TLL1: variants seen among roughly 807,000 people sequenced by gnomAD.
The protein encoded by TLL1 is tolloid-like protein 1.
A neutral mutation model predicts 128.2 loss-of-function variants in TLL1; 49 were observed. The ratio of observed to expected loss-of-function variants is 0.38; its 90% confidence interval spans 0.30 to 0.48. The LOEUF (loss-of-function observed/expected upper bound fraction) is 0.48, where lower values mean the gene tolerates loss of function less well. Ranked by LOEUF, TLL1 falls within the 20% of genes least tolerant of loss-of-function variation. TLL1 has a pLI of 0.96. For missense variants in TLL1, 1,123 were observed against 1,242.0 expected (o/e 0.90, Z 1.44); for synonymous variants, 454 against 418.8 (o/e 1.08, Z -1.03).
intron 1 of TLL1, among the ~76,000 whole-genome samples, chr4:165,969,473 G>A (rs774563718): frequency 2.4e-4 from 36 of 152,140 alleles, no homozygotes; most frequent in Non-Finnish European, 4.6e-4. Context: ...GTATTTATAC[G>A]TACACACATT....
In TLL1 at chr4:166,055,091, A is replaced by G; in HGVS notation, c.1540A>G (p.Asn514Asp). ...TCTGTTGCAGATTGAAAGACATGACAATTGTGCTTATGACTACCTGGAAGT... is the reference window on the plus strand; with the variant it reads ...TCTGTTGCAGATTGAAAGACATGACGATTGTGCTTATGACTACCTGGAAGT... The part of the protein sequence containing the change: ...FQSFEIERHD[N>D]CAYDYLEVRD... Residue 514 changes from asparagine to aspartate, a missense_variant, in exon 13 of 21, where the codon AAT (asparagine) becomes GAT (aspartate). Coordinates refer to ENST00000061240, the MANE Select transcript of TLL1 (RefSeq NM_012464.5). The G allele has an allele frequency of 6.2e-7, 1 of 1,611,304 alleles. No individual in the cohort carries two copies. Among genetic ancestry groups the G allele is most frequent in the Non-Finnish European group, 8.5e-7 (1 of 1,179,158 alleles).
chr4:166,070,734 T>G (rs1038117568), intron 16 of TLL1, among the ~76,000 whole-genome samples: 8 of 151,910 alleles, frequency 5.3e-5, no homozygotes, highest in Non-Finnish European at 8.8e-5. Context: ...TGATTTCAAT[T>G]GACATGCTCC....
chr4:165,874,214 T>G, intron 1 of TLL1, 141 bp downstream of exon 1: 1 of 1,044,112 alleles, frequency 9.6e-7, no homozygotes. Flanking sequence ...CCCCTCCTTT[T>G]CCTTCCCTTC....
At position 166,102,194 on chromosome 4, in the gene TLL1, T is replaced by G. The variant is rs1714560232; in HGVS notation, c.*1318T>G. The stretch of plus-strand genomic sequence containing the variant: ...CAAACAGATCCTCCTAAAACACACC[T>G]TTTGAAATGTTGAACATAATAGTGT... On this transcript the variant is annotated 3_prime_UTR_variant, in exon 21 of 21. Transcript: ENST00000061240. The G allele has an allele frequency of 6.6e-6, 1 of 152,482 alleles. No homozygotes were observed. The highest frequency in any genetic ancestry group is 2.4e-5 in the African/African-American group (1 of 41,452). 9.4% of individuals were successfully genotyped at this position (152,482 alleles called of 1,614,324 possible). A position where few individuals can be genotyped will look rare whatever the true frequency, so the allele number is the denominator to read the frequency against.
At chr4:165,978,724 G>T (rs1260123486) in intron 1 of TLL1, among the ~76,000 whole-genome samples, 1 of 152,142 alleles carries the variant, frequency 6.6e-6, no homozygotes, top group African/African-American at 2.4e-5. Flanking sequence ...TTTGCATTAA[G>T]TTGTAAATTG....
At chr4:166,017,384 T>C (rs1424770493) in intron 8 of TLL1, among the ~76,000 whole-genome samples, 2 of 152,174 alleles carry the variant, frequency 1.3e-5, no homozygotes, top group Non-Finnish European at 2.9e-5. Context: ...TTGTGTACAG[T>C]GCTGCGGTGA....
intron 3 of TLL1, among the ~76,000 whole-genome samples, chr4:165,993,592 C>T (rs1386251045): frequency 1.3e-5 from 2 of 151,940 alleles, no homozygotes; most frequent in Non-Finnish European, 2.9e-5. Flanking sequence ...AGACAGAGTC[C>T]CTATTTGTTG....
At chr4:166,097,373 A>G (rs1742073123) in intron 19 of TLL1, among the ~76,000 whole-genome samples, 1 of 152,120 alleles carries the variant, frequency 6.6e-6, no homozygotes. Context: ...ATACATTTGT[A>G]ATAGTGGCAC....
At chr4:166,034,946 A>C (rs1738929397) in intron 9 of TLL1, among the ~76,000 whole-genome samples, 1 of 152,298 alleles carries the variant, frequency 6.6e-6, no homozygotes, top group South Asian at 2.1e-4. Flanking sequence ...GTTGGAAGGG[A>C]CAAAGGGATA....
intron 1 of TLL1, among the ~76,000 whole-genome samples, chr4:165,941,066 G>A (rs545397942): frequency 1.3e-5 from 2 of 152,010 alleles, no homozygotes; most frequent in African/African-American, 4.8e-5. Flanking sequence ...GAGACAGGTA[G>A]GTTTTCTCCC....
intron 1 of TLL1, among the ~76,000 whole-genome samples, chr4:165,936,207 T>TATA (rs201227041): frequency 1.4e-4 from 17 of 122,372 alleles, no homozygotes; most frequent in African/African-American, 3.9e-4. Context: ...TATATATATA[T>TATA]TTTTTTTTCT....
intron 7 of TLL1, among the ~76,000 whole-genome samples, chr4:166,011,113 C>T (rs1397527307): frequency 2.6e-5 from 4 of 151,030 alleles, no homozygotes; most frequent in Non-Finnish European, 5.9e-5. Flanking sequence ...AATATTTTTT[C>T]TTTTTCAAAA....
chr4:166,013,016 G>A (rs1172623511), intron 7 of TLL1, among the ~76,000 whole-genome samples: 1 of 151,646 alleles, frequency 6.6e-6, no homozygotes, highest in African/African-American at 2.4e-5. Context: ...TATCTGGCTG[G>A]TGCTCAGACA....
At chr4:166,037,565 TG>T (rs1739058781) in intron 9 of TLL1, among the ~76,000 whole-genome samples, 2 of 152,174 alleles carry the variant, frequency 1.3e-5, no homozygotes, top group South Asian at 4.1e-4. Context: ...TCCCAGAGTT[TG>T]GGAGGCTGAG....
chr4:166,095,097 T>C (rs988438711), intron 19 of TLL1, among the ~76,000 whole-genome samples: 10 of 152,166 alleles, frequency 6.6e-5, no homozygotes, highest in Non-Finnish European at 1.3e-4. Context: ...ACGGCTATTT[T>C]TGATGGATCC....
At chr4:165,996,015 T>C (rs578017780) in intron 5 of TLL1, among the ~76,000 whole-genome samples, 16 of 152,274 alleles carry the variant, frequency 1.1e-4, no homozygotes, top group African/African-American at 3.6e-4. Context: ...GCCAAACTGT[T>C]TTTCCTCATT....
chr4:165,995,000 C>A, intron 4 of TLL1, 61 bp from the exon 5 acceptor site: 1 of 1,361,542 alleles, frequency 7.3e-7, no homozygotes, highest in Non-Finnish European at 1.0e-6. Flanking sequence ...GTAGAGGATG[C>A]AGCAAGAAGC....
At chr4:166,029,217 T>TC (rs1404615790) in intron 9 of TLL1, among the ~76,000 whole-genome samples, 1 of 151,998 alleles carries the variant, frequency 6.6e-6, no homozygotes, top group Non-Finnish European at 1.5e-5. Flanking sequence ...AAATGTATAC[T>TC]CTATCATTTG....
intron 12 of TLL1, among the ~76,000 whole-genome samples, chr4:166,052,965 G>GTGTATGTATATATATATATA: frequency 1.0e-5 from 1 of 99,648 alleles, no homozygotes; most frequent in Non-Finnish European, 2.1e-5. Context: ...GAGGTTATGT[G>GTGTATGTATATATATATATA]TATATATATA....
Sources: allele counts gnomAD v4.1 joint callset (sites outside exome capture counted in the v4.1 genomes callset), GRCh38; gene constraint gnomAD v4.1.1; transcripts MANE v1.5; gene names NCBI Gene and HGNC (gene_info 2026-07-23, HGNC 2026-07-21).